The following PTBP2 variants were observed in gnomAD, a reference collection of about 807,000 sequenced individuals.
PTBP2 encodes the protein polypyrimidine tract-binding protein 2.
PTBP2 carries 13 observed loss-of-function variants against 61.4 expected under a neutral mutation model. The ratio of observed to expected loss-of-function variants is 0.21; its 90% CI spans 0.14 to 0.34. PTBP2 has a LOEUF of 0.34. Ranked by LOEUF, PTBP2 falls within the 10% of genes least tolerant of loss-of-function variation. The probability of loss-of-function intolerance (pLI) is 1.00; values close to 1 mark genes in which losing one functional copy is unlikely to be tolerated. For missense variants in PTBP2, 405 were observed against 642.6 expected (o/e 0.63, Z 4.00); for synonymous variants, 215 against 218.5 (o/e 0.98, Z 0.14).
chr1:96,733,522 T>G (rs1651732894), intron 2 of PTBP2, among the ~76,000 whole-genome samples: 1 of 151,922 alleles, frequency 6.6e-6, no homozygotes, highest in African/African-American at 2.4e-5. Context: ...CTACAAAAAC[T>G]TTTAAAAATT....
chr1:96,777,312 T>G (rs955566199), intron 5 of PTBP2, among the ~76,000 whole-genome samples: 2 of 152,184 alleles, frequency 1.3e-5, no homozygotes, highest in African/African-American at 4.8e-5. Flanking sequence ...ATCTTGTTCT[T>G]TTGAGAATAA....
At chr1:96,723,618 CTG>C (rs1285804429) in intron 2 of PTBP2, 24 bp downstream of exon 2, 2 of 1,554,112 alleles carry the variant, frequency 1.3e-6, no homozygotes, top group Admixed American at 1.7e-5. Context: ...ATGTTTGAAA[CTG>C]GGATTGTTGG....
Position 96,770,794 on chromosome 1 carries a change from A to C in PTBP2, c.375A>C (p.Pro125=), listed in dbSNP as rs760676278. Reference sequence around the variant, plus strand: ...TGACACCTCATCTTCGTAACCAACCAATATATATCCAGTACTCGAATCACA... The same window carrying C: ...TGACACCTCATCTTCGTAACCAACCCATATATATCCAGTACTCGAATCACA... ...SAVTPHLRNQ[P]IYIQYSNHKE... The change falls in exon 5 of 14, where the codon CCA becomes CCC. Residue 125 remains proline, a synonymous_variant. Coordinates refer to ENST00000674951, the MANE Select transcript of PTBP2 (RefSeq NM_021190.4). The C allele has an allele frequency of 6.3e-7, 1 of 1,591,008 alleles. No individual in the cohort carries two copies. The highest frequency in any genetic ancestry group is 1.1e-5 in the South Asian group (1 of 90,592).
chr1:96,802,159 C>T (rs1439439491), intron 8 of PTBP2, among the ~76,000 whole-genome samples: 4 of 133,102 alleles, frequency 3.0e-5, no homozygotes, highest in African/African-American at 8.5e-5. Flanking sequence ...TGCAGTGAGC[C>T]GAGATCACGC....
chr1:96,740,514 G>T (rs1045639614), intron 2 of PTBP2, among the ~76,000 whole-genome samples: 1 of 152,098 alleles, frequency 6.6e-6, no homozygotes, highest in Non-Finnish European at 1.5e-5. Flanking sequence ...CACATTTGGG[G>T]TTAGGACTTC....
chr1:96,726,654 G>C (rs1165107686), intron 2 of PTBP2, among the ~76,000 whole-genome samples: 1 of 152,098 alleles, frequency 6.6e-6, no homozygotes, highest in Non-Finnish European at 1.5e-5. Context: ...AGCCAGGATA[G>C]TCTCTATCTC....
intron 2 of PTBP2, among the ~76,000 whole-genome samples, chr1:96,725,298 C>T (rs955018909): frequency 2.0e-5 from 3 of 147,402 alleles, no homozygotes; most frequent in Non-Finnish European, 4.5e-5. Flanking sequence ...ATTGGTTACA[C>T]CAGTTTTTTT....
chr1:96,809,905 T>TGTG (rs1486635491), intron 11 of PTBP2, among the ~76,000 whole-genome samples: 1 of 151,972 alleles, frequency 6.6e-6, no homozygotes, highest in Non-Finnish European at 1.5e-5. Context: ...TGGAAATCAA[T>TGTG]GGTATAAAAG....
At chr1:96,748,640 C>A (rs969616165) in intron 2 of PTBP2, among the ~76,000 whole-genome samples, 2 of 152,058 alleles carry the variant, frequency 1.3e-5, no homozygotes, top group Non-Finnish European at 2.9e-5. Context: ...AAATTGATAT[C>A]ATTCTTAGAT....
intron 7 of PTBP2, among the ~76,000 whole-genome samples, chr1:96,783,825 G>A (rs917541385): frequency 6.6e-6 from 1 of 151,946 alleles, no homozygotes; most frequent in Non-Finnish European, 1.5e-5. Context: ...TTGATACATG[G>A]CTTCCACTTT....
chr1:96,760,953 A>T (rs181735788), intron 3 of PTBP2, among the ~76,000 whole-genome samples: 2 of 152,230 alleles, frequency 1.3e-5, no homozygotes, highest in Non-Finnish European at 2.9e-5. Flanking sequence ...ATAGTATATT[A>T]CTACTTACTA....
intron 8 of PTBP2, among the ~76,000 whole-genome samples, chr1:96,795,563 G>A (rs1352381777): frequency 2.6e-5 from 4 of 152,176 alleles, no homozygotes; most frequent in Admixed American, 2.6e-4. Context: ...TTTAAGCAGT[G>A]CATATTTATG....
intron 8 of PTBP2, among the ~76,000 whole-genome samples, chr1:96,799,294 CTTTTTTT>C (rs373815292): frequency 1.1e-5 from 1 of 92,198 alleles, no homozygotes; most frequent in Admixed American, 1.3e-4. Context: ...ATAGATCAAG[CTTTTTTT>C]TTTTTTTTTT....
At chr1:96,801,350 C>T (rs748291711) in intron 8 of PTBP2, among the ~76,000 whole-genome samples, 10 of 151,946 alleles carry the variant, frequency 6.6e-5, no homozygotes, top group Non-Finnish European at 1.5e-4. Context: ...TTGAGCACTC[C>T]ATATGTATAA....
At chr1:96,764,237 A>G (rs141657657) in intron 3 of PTBP2, among the ~76,000 whole-genome samples, 109 of 152,326 alleles carry the variant, frequency 7.2e-4, no homozygotes, top group African/African-American at 2.5e-3. Flanking sequence ...ACTTAATCTC[A>G]GGTAAATAAA....
intron 5 of PTBP2, among the ~76,000 whole-genome samples, chr1:96,774,186 A>G (rs559784087): frequency 7.9e-5 from 12 of 151,598 alleles, no homozygotes; most frequent in African/African-American, 1.4e-4. Context: ...TCTTCTTTTA[A>G]TGGTGAGGGT....
chr1:96,815,307 A>G (rs1197560907), downstream of PTBP2: 3 of 151,798 alleles, frequency 2.0e-5, no homozygotes, highest in African/African-American at 7.3e-5. Flanking sequence ...ATTTCTTACT[A>G]ATCTTAGACT....
chr1:96,812,534 A>G (rs897627008), intron 11 of PTBP2, among the ~76,000 whole-genome samples, 178 bp from the exon 12 acceptor site: 1 of 152,162 alleles, frequency 6.6e-6, no homozygotes, highest in Non-Finnish European at 1.5e-5. Flanking sequence ...TTTTGCCAGA[A>G]TGCCTTGTCT....
At chr1:96,742,306 G>T (rs1202927556) in intron 2 of PTBP2, among the ~76,000 whole-genome samples, 1 of 152,118 alleles carries the variant, frequency 6.6e-6, no homozygotes, top group Non-Finnish European at 1.5e-5. Context: ...CAGCTTATAT[G>T]TAAGGGATGA....
Sources: allele counts gnomAD v4.1 joint callset (sites outside exome capture counted in the v4.1 genomes callset), GRCh38; gene constraint gnomAD v4.1.1; transcripts MANE v1.5; gene names NCBI Gene and HGNC (gene_info 2026-07-23, HGNC 2026-07-21).